Variants in CHST12 observed in about 807,000 individuals in gnomAD.
CHST12 encodes the protein carbohydrate sulfotransferase 12.
CHST12 carries 23 observed loss-of-function variants against 27.9 expected under a neutral mutation model. The observed-to-expected ratio is 0.82, with a 90% CI of 0.59 to 1.17. The LOEUF (loss-of-function observed/expected upper bound fraction) is 1.17. Ranked by LOEUF, CHST12 falls within the 50% of genes most tolerant of loss-of-function variation. The pLI is 0.00. For missense variants in CHST12, 682 were observed against 603.0 expected (o/e 1.13, Z -1.37); for synonymous variants, 322 against 273.0 (o/e 1.18, Z -1.77).
At chr7:2,424,418 T>C (rs1203866288) in intron 1 of CHST12, among the ~76,000 whole-genome samples, 2 of 151,122 alleles carry the variant, frequency 1.3e-5, no homozygotes, top group Non-Finnish European at 1.5e-5. Context: ...TTCAGCCTCA[T>C]GAACTTTGAG....
intron 1 of CHST12, among the ~76,000 whole-genome samples, chr7:2,425,327 G>A (rs556655762): frequency 7.4e-4 from 112 of 152,218 alleles, no homozygotes; most frequent in Non-Finnish European, 1.4e-3. Context: ...GTGCAGACAA[G>A]GGTGAGTGCC....
rs1176470959 is a variant in CHST12, at chr7:2,432,654, G to C, written c.15G>C (p.Arg5=). 1.2e-6 allele frequency: 2 copies of C among 1,608,272 alleles called. No homozygotes were observed. Among genetic ancestry groups the C allele is most frequent in the African/African-American group, 2.7e-5 (2 of 74,840 alleles). The part of the protein sequence containing the change: MTKA[R]LFRLWLVLGS... ...CCCGGGGCAGGATGACCAAGGCCCG[G>C]CTGTTCCGGCTGTGGCTGGTGCTGG... Residue 5 remains arginine (R), a synonymous_variant, in exon 2 of 2, where the codon CGG becomes CGC. Coordinates refer to ENST00000618655, the MANE Select transcript of CHST12 (RefSeq NM_018641.5).
At position 2,433,727 on chromosome 7, in the gene CHST12, G is replaced by T; in HGVS notation, c.1088G>T (p.Arg363Leu). The change falls in exon 2 of 2, where the codon CGC becomes CTC. Residue 363 changes from arginine (R) to leucine (L), a missense_variant. By Grantham distance (102) the Arg-to-Leu change is moderately radical. Transcript: ENST00000618655. This position sits in a 1 kb window ranked among gnomAD's most constrained non-coding sequence, Gnocchi z 6.1. ...LQLLQVDRQL[R>L]FPPSYRNRTA... ...CTACTCCAGGTGGACCGGCAGCTCC[G>T]CTTCCCCCCGAGCTACCGGAACAGG... 8 of 1,613,564 alleles carry T rather than the reference G, an allele frequency of 5.0e-6. No individual in the cohort carries two copies. Among genetic ancestry groups the T allele is most frequent in the Non-Finnish European group, 6.8e-6 (8 of 1,179,910 alleles).
rs1782434062 is a variant in CHST12, at chr7:2,434,835, CCT to C, written c.*952_*953del. On this transcript the variant is annotated 3_prime_UTR_variant, in exon 2 of 2. Coordinates refer to ENST00000618655, the MANE Select transcript of CHST12 (RefSeq NM_018641.5). ...GGGCACGGTGGCTCATGCCTGCAAT[CCT>C]GGCACTTTGGGAGGCTGAGGGGGGA... 1 of 152,126 alleles carries C rather than the reference CCT, an allele frequency of 6.6e-6. No homozygotes were observed. Among genetic ancestry groups the C allele is most frequent in the South Asian group, 2.1e-4 (1 of 4,812 alleles). The allele number at this position is 152,126 out of a possible 1,614,324, so 9.4% of individuals were successfully genotyped here.
Position 2,440,047 on chromosome 7 carries a change from G to T in CHST12, c.*6163G>T, listed in dbSNP as rs1782564420. 6.6e-6 allele frequency: 1 copy of T among 152,162 alleles called. No individual in the cohort carries two copies. Among genetic ancestry groups the T allele is most frequent in the African/African-American group, 2.4e-5 (1 of 41,440 alleles). 9.4% of individuals were successfully genotyped at this position (152,162 alleles called of 1,614,324 possible). ...AATAATTTCTCAGTGCATCTCTGAT[G>T]GGGAGGCTAATGAAGAAAGGACACC... On this transcript the variant is annotated 3_prime_UTR_variant, in exon 2 of 2. Transcript: ENST00000618655.
At chr7:2,417,267 C>T (rs1478301431) in intron 1 of CHST12, among the ~76,000 whole-genome samples, 2 of 151,440 alleles carry the variant, frequency 1.3e-5, no homozygotes, top group African/African-American at 2.4e-5. Context: ...CTCTGTTGGC[C>T]AGGCTAGAGT....
At chr7:2,419,482 G>A (rs1199786550) in intron 1 of CHST12, among the ~76,000 whole-genome samples, 1 of 149,062 alleles carries the variant, frequency 6.7e-6, no homozygotes, top group Non-Finnish European at 1.5e-5. Context: ...CAAGGCAGGT[G>A]GATTCCCTGA....
chr7:2,405,978 C>A (rs915644596), intron 1 of CHST12, among the ~76,000 whole-genome samples: 7 of 152,108 alleles, frequency 4.6e-5, no homozygotes, highest in Non-Finnish European at 8.8e-5. Flanking sequence ...GCGTGCAGTT[C>A]CTTGACTACG....
chr7:2,426,241 A>T (rs919309278), intron 1 of CHST12, among the ~76,000 whole-genome samples: 2 of 152,146 alleles, frequency 1.3e-5, no homozygotes, highest in African/African-American at 4.8e-5. Flanking sequence ...CCTGGCATGG[A>T]ACCTCAGGGG....
chr7:2,414,275 A>C lies in CHST12; in HGVS notation c.-78+10602A>C, dbSNP rs115951993. Among the ~76,000 whole-genome samples, 1,263 of 148,510 alleles carry C rather than the reference A, an allele frequency of 8.5e-3. 15 individuals are homozygous for C. Among genetic ancestry groups the C allele is most frequent in the African/African-American group, 0.023 (929 of 40,222 alleles). The stretch of plus-strand genomic sequence containing the variant: ...GGCCTGTCTTTTACTTTCTTTTTTT[A>C]TTTTTCTTTTTCTTTTTTTTTCTCT... On this transcript the variant is annotated intron_variant, in intron 1 of 1. Transcript: ENST00000618655.
chr7:2,428,714 C>T (rs1782197774), intron 1 of CHST12, among the ~76,000 whole-genome samples: 3 of 152,148 alleles, frequency 2.0e-5, no homozygotes, highest in African/African-American at 7.2e-5. Flanking sequence ...TACAATATAG[C>T]ATGTGCATCA....
Position 2,440,712 on chromosome 7 carries a change from G to A in CHST12, c.*6828G>A, listed in dbSNP as rs1052034949. ...TTAGGAATTCACCTTCACACTTCCA[G>A]AAACTGCCAAGAAGAATGCCGCCGC... On this transcript the variant is annotated 3_prime_UTR_variant, in exon 2 of 2. Transcript: ENST00000618655. The A allele has an allele frequency of 6.6e-6, 1 of 152,220 alleles. No individual in the cohort carries two copies. Among genetic ancestry groups the A allele is most frequent in the African/African-American group, 2.4e-5 (1 of 41,452 alleles). 9.4% of individuals were successfully genotyped at this position (152,220 alleles called of 1,614,324 possible). A position where few individuals can be genotyped will look rare whatever the true frequency, so the allele number is the denominator to read the frequency against.
rs1368857160 is a variant in CHST12, at chr7:2,444,468, AAAAC to A, written c.*10592_*10595del. 1.3e-5 allele frequency: 2 copies of A among 153,002 alleles called. No homozygotes were observed. The highest frequency in any genetic ancestry group is 2.9e-5 in the Non-Finnish European group (2 of 68,744). The allele number at this position is 153,002 out of a possible 1,614,324, so 9.5% of individuals were successfully genotyped here. On this transcript the variant is annotated 3_prime_UTR_variant, in exon 2 of 2. Coordinates refer to ENST00000618655, the MANE Select transcript of CHST12 (RefSeq NM_018641.5). The stretch of plus-strand genomic sequence containing the variant: ...GCAACAGAGTGAGACTCTGTCTCAA[AAAAC>A]AAACAAAAATCAAAGTGCCAACCTC...
intron 1 of CHST12, 23 bp from the exon 2 acceptor site, chr7:2,432,540 C>CTA: frequency 7.6e-7 from 1 of 1,320,272 alleles, no homozygotes; most frequent in Non-Finnish European, 1.0e-6. Context: ...CAGTCATTAA[C>CTA]TAGTGTGTCA....
intron 1 of CHST12, among the ~76,000 whole-genome samples, chr7:2,407,023 A>G (rs1223487368): frequency 6.6e-6 from 1 of 152,012 alleles, no homozygotes; most frequent in Non-Finnish European, 1.5e-5. Flanking sequence ...ATCCAAAAAG[A>G]GAACTCTCGG....
chr7:2,409,381 G>A (rs910512024), intron 1 of CHST12, among the ~76,000 whole-genome samples: 10 of 152,154 alleles, frequency 6.6e-5, no homozygotes, highest in Admixed American at 5.2e-4. Context: ...TCAGGAGGCC[G>A]AGGCAGGAGG....
Position 2,436,891 on chromosome 7 carries a change from G to T in CHST12, c.*3007G>T, listed in dbSNP as rs1782487225. The stretch of plus-strand genomic sequence containing the variant: ...TGCTCAGATTCCCGGGCCATGGTCG[G>T]GGCCACCGCCCGTGGGGATGACTCC... On this transcript the variant is annotated 3_prime_UTR_variant, in exon 2 of 2. Coordinates refer to ENST00000618655, the MANE Select transcript of CHST12 (RefSeq NM_018641.5). 1 of 152,224 alleles carries T rather than the reference G, an allele frequency of 6.6e-6. No individual in the cohort carries two copies. Among genetic ancestry groups the T allele is most frequent in the Admixed American group, 6.5e-5 (1 of 15,276 alleles). The allele number at this position is 152,224 out of a possible 1,614,324, so 9.4% of individuals were successfully genotyped here.
At chr7:2,431,039 C>T (rs1232133994) in intron 1 of CHST12, among the ~76,000 whole-genome samples, 1 of 152,196 alleles carries the variant, frequency 6.6e-6, no homozygotes, top group Non-Finnish European at 1.5e-5. Context: ...TCTTCTGTAT[C>T]CTTGCTGATT....
At chr7:2,403,591 C>A (rs1379770569), upstream of CHST12, 1 of 151,002 alleles carries the variant, frequency 6.6e-6, no homozygotes, top group Non-Finnish European at 1.5e-5. Context: ...CCGGCGAGGG[C>A]TGCCTCTGGG....
Sources: gnomAD v4.1 joint callset for allele counts (sites outside exome capture counted in the v4.1 genomes callset) on GRCh38, gnomAD v4.1.1 for gene constraint, Gnocchi (gnomAD v3.1) non-coding constraint, MANE v1.5 for transcripts, NCBI Gene and HGNC (gene_info 2026-07-23, HGNC 2026-07-21) for gene names.